Variants in MAN1A1 observed in about 807,000 individuals in gnomAD.
MAN1A1 encodes the protein mannosidase alpha class 1A member 1, also known as mannosyl-oligosaccharide 1,2-alpha-mannosidase IA.
A neutral mutation model predicts 70.8 loss-of-function variants in MAN1A1; 29 were observed. The ratio of observed to expected loss-of-function variants is 0.41; its 90% CI spans 0.31 to 0.56. MAN1A1 has a LOEUF of 0.56. Among genes scored for constraint, MAN1A1 ranks in the 20% least tolerant of loss-of-function variants. The pLI is 0.29. For synonymous variants in MAN1A1, 349 were observed against 330.1 expected, an observed-to-expected ratio of 1.06 and a Z score of -0.62; for missense variants, 747 against 841.3, an observed-to-expected ratio of 0.89 and a Z score of 1.39.
At chr6:119,245,249 A>C (rs1775140300) in intron 6 of MAN1A1, among the ~76,000 whole-genome samples, 1 of 152,132 alleles carries the variant, frequency 6.6e-6, no homozygotes. Context: ...AGCTTTCTAC[A>C]TTCTCTTATT....
intron 4 of MAN1A1, among the ~76,000 whole-genome samples, chr6:119,298,915 T>G (rs992365259): frequency 6.6e-6 from 1 of 152,082 alleles, no homozygotes; most frequent in African/African-American, 2.4e-5. Context: ...AATAATACCC[T>G]TACACTGTCA....
chr6:119,254,481 T>G (rs1283376669), intron 5 of MAN1A1, among the ~76,000 whole-genome samples: 2 of 152,218 alleles, frequency 1.3e-5, no homozygotes, highest in African/African-American at 2.4e-5. Context: ...AAGACAAATA[T>G]CATCTTTTGA....
At chr6:119,307,187 C>T (rs1772555837) in intron 2 of MAN1A1, among the ~76,000 whole-genome samples, 195 bp from the exon 3 acceptor site, 2 of 152,126 alleles carry the variant, frequency 1.3e-5, no homozygotes, top group Non-Finnish European at 2.9e-5. Flanking sequence ...ACACACTACC[C>T]TTTTATGTTT....
intron 12 of MAN1A1, 109 bp downstream of exon 12, chr6:119,180,203 T>C: frequency 2.5e-6 from 2 of 808,442 alleles, no homozygotes; most frequent in Non-Finnish European, 4.0e-6. Context: ...ATGCCTGATA[T>C]TCTGAATCAG....
chr6:119,256,061 C>G (rs2114341339), intron 5 of MAN1A1, among the ~76,000 whole-genome samples: 1 of 152,186 alleles, frequency 6.6e-6, no homozygotes, highest in South Asian at 2.1e-4. Flanking sequence ...TATTAAAGCA[C>G]AGAGATCTTC....
intron 6 of MAN1A1, among the ~76,000 whole-genome samples, chr6:119,224,979 T>C (rs1047413996): frequency 3.3e-5 from 5 of 151,762 alleles, no homozygotes; most frequent in African/African-American, 1.2e-4. Flanking sequence ...ATACAAAAAT[T>C]AGCCGGGCAT....
chr6:119,265,348 C>T (rs1165024456), intron 5 of MAN1A1, among the ~76,000 whole-genome samples: 1 of 152,076 alleles, frequency 6.6e-6, no homozygotes, highest in East Asian at 1.9e-4. Context: ...ATCTTCCTGC[C>T]TTGGCCTCCA....
intron 4 of MAN1A1, among the ~76,000 whole-genome samples, chr6:119,300,696 C>T (rs1055906164): frequency 5.3e-5 from 8 of 152,196 alleles, no homozygotes; most frequent in African/African-American, 1.9e-4. Context: ...GAGCAAATCA[C>T]TAGCTCCTTA....
At chr6:119,232,388 A>AAAAAG (rs1562203086) in intron 6 of MAN1A1, among the ~76,000 whole-genome samples, 17 of 146,170 alleles carry the variant, frequency 1.2e-4, no homozygotes, top group South Asian at 2.1e-4. Context: ...AAAAAAAAAA[A>AAAAAG]AAAAGAAAAA....
At chr6:119,192,567 A>G (rs1773468990) in intron 9 of MAN1A1, among the ~76,000 whole-genome samples, 1 of 152,182 alleles carries the variant, frequency 6.6e-6, no homozygotes. Context: ...CTTGTTAGAA[A>G]GACCAATTTT....
chr6:119,270,595 C>T (rs1423574448), intron 5 of MAN1A1, among the ~76,000 whole-genome samples: 1 of 152,164 alleles, frequency 6.6e-6, no homozygotes, highest in Non-Finnish European at 1.5e-5. Context: ...TTTTGGACAT[C>T]ATACAGTATT....
intron 2 of MAN1A1, among the ~76,000 whole-genome samples, chr6:119,345,492 A>G (rs1218493179): frequency 6.6e-6 from 1 of 152,244 alleles, no homozygotes; most frequent in Non-Finnish European, 1.5e-5. Flanking sequence ...TACATCAAAG[A>G]TTCATCATCC....
chr6:119,333,077 T>C (rs1035458752), intron 2 of MAN1A1, among the ~76,000 whole-genome samples: 2 of 152,150 alleles, frequency 1.3e-5, no homozygotes, highest in Non-Finnish European at 2.9e-5. Context: ...AATCAGCCCC[T>C]GAAAATGCTG....
chr6:119,230,338 C>G (rs548947301), intron 6 of MAN1A1, among the ~76,000 whole-genome samples: 1 of 152,168 alleles, frequency 6.6e-6, no homozygotes, highest in African/African-American at 2.4e-5. Flanking sequence ...TCCTCAGGAC[C>G]TTGAGTGCTT....
At chr6:119,339,942 T>A (rs574050344) in intron 2 of MAN1A1, among the ~76,000 whole-genome samples, 1 of 152,076 alleles carries the variant, frequency 6.6e-6, no homozygotes, top group Non-Finnish European at 1.5e-5. Context: ...AATACAAAAA[T>A]TAGCCAAGCA....
rs149889823 is a variant in MAN1A1, at chr6:119,302,522, T to C, written c.701-419A>G. Among the ~76,000 whole-genome samples the C allele has an allele frequency of 5.9e-3, 897 of 152,066 alleles. 31 individuals are homozygous for C. The East Asian group carries it at 0.091, about 15-fold the overall frequency. On this transcript the variant is annotated intron_variant, in intron 3 of 12. Transcript: ENST00000368468. ...TTAGCCTCCTGAGTAGCTGGGACTA[T>C]AGGCGCATGCCACCACGCCTGGCTA...
chr6:119,208,501 T>A (rs1773949357), intron 6 of MAN1A1, among the ~76,000 whole-genome samples: 1 of 152,220 alleles, frequency 6.6e-6, no homozygotes, highest in South Asian at 2.1e-4. Flanking sequence ...TTGAATGTAG[T>A]TTATTAACTG....
At chr6:119,288,953 T>C (rs1322602858) in intron 5 of MAN1A1, among the ~76,000 whole-genome samples, 1 of 151,840 alleles carries the variant, frequency 6.6e-6, no homozygotes, top group African/African-American at 2.4e-5. Context: ...AAGTGTTCTT[T>C]GTAGCCATTT....
chr6:119,268,680 G>A (rs913620241), intron 5 of MAN1A1, among the ~76,000 whole-genome samples: 3 of 151,830 alleles, frequency 2.0e-5, no homozygotes, highest in Admixed American at 6.6e-5. Flanking sequence ...TTGACCTCCC[G>A]GGCTTAGGTG....
Sources: allele counts gnomAD v4.1 joint callset (sites outside exome capture counted in the v4.1 genomes callset), GRCh38; gene constraint gnomAD v4.1.1; transcripts MANE v1.5; gene names NCBI Gene and HGNC (gene_info 2026-07-23, HGNC 2026-07-21).